TERB1: variants seen among roughly 807,000 people sequenced by gnomAD.
The protein encoded by TERB1 is telomere repeat binding bouquet formation protein 1.
TERB1 carries 63 observed loss-of-function variants against 92.3 expected under a neutral mutation model. That is an observed-to-expected ratio of 0.68 (90% CI 0.56 to 0.84). The LOEUF (loss-of-function observed/expected upper bound fraction) is 0.84. Ranked by LOEUF, TERB1 falls within the 40% of genes least tolerant of loss-of-function variation. The pLI is 0.00. For synonymous variants in TERB1, 252 were observed against 283.9 expected (o/e 0.89, Z 1.13); for missense variants, 709 against 843.7 (o/e 0.84, Z 1.98).
chr16:66,793,905 G>A (rs1321824544), intron 3 of TERB1, among the ~76,000 whole-genome samples: 1 of 152,004 alleles, frequency 6.6e-6, no homozygotes, highest in Non-Finnish European at 1.5e-5. Flanking sequence ...TAGTACAAAG[G>A]TTATCACTAA....
At chr16:66,776,260 C>A (rs568597175) in intron 11 of TERB1, among the ~76,000 whole-genome samples, 1 of 148,032 alleles carries the variant, frequency 6.8e-6, no homozygotes, top group Non-Finnish European at 1.5e-5. Flanking sequence ...ACCTGGGAGG[C>A]GGAGGTTGCA....
chr16:66,796,209 G>A (rs556065738), intron 3 of TERB1, among the ~76,000 whole-genome samples: 1 of 152,270 alleles, frequency 6.6e-6, no homozygotes, highest in East Asian at 1.9e-4. Context: ...AAAACGCAGT[G>A]GAAAATTCAG....
chr16:66,801,294 C>CACGTG (rs1241787083), intron 1 of TERB1, among the ~76,000 whole-genome samples, 174 bp downstream of exon 1: 1 of 152,222 alleles, frequency 6.6e-6, no homozygotes, highest in African/African-American at 2.4e-5. Context: ...AATGGTGCAT[C>CACGTG]ACGTGATGAC....
intron 10 of TERB1, among the ~76,000 whole-genome samples, chr16:66,778,319 A>C (rs569156971): frequency 2.6e-5 from 4 of 152,154 alleles, no homozygotes; most frequent in African/African-American, 7.2e-5. Flanking sequence ...AGCTGGTCTC[A>C]AACTCCTGGC....
rs1331606749 is a variant in TERB1, at chr16:66,754,909, T to C, written c.*67A>G. 3 of 1,360,094 alleles carry C rather than the reference T, an allele frequency of 2.2e-6. No individual in the cohort carries two copies. The highest frequency in any genetic ancestry group is 3.0e-6 in the Non-Finnish European group (3 of 997,440). The allele number at this position is 1,360,094 out of a possible 1,614,324, so 84.3% of individuals were successfully genotyped here. ...TTCTCATGAGAGTTTAGAAAAATAC[T>C]TTAAATGTATCTTTCAAGGCACTGT... On this transcript the variant is annotated 3_prime_UTR_variant, in exon 19 of 19. Transcript: ENST00000433154.
At position 66,768,048 on chromosome 16, in the gene TERB1, T is replaced by C. The variant is rs548523704; in HGVS notation, c.1684+56A>G. The stretch of plus-strand genomic sequence containing the variant: ...CAGTCAATGTGCATTTTTAGCTATA[T>C]TGGTTACCTAAATATCTGTTTTATT... On this transcript the variant is annotated intron_variant, in intron 15 of 18. Transcript: ENST00000433154. The C allele has an allele frequency of 9.3e-5, 126 of 1,353,968 alleles. No individual in the cohort carries two copies. In the African/African-American group the frequency reaches 1.4e-3, roughly 15 times the overall value. The allele number at this position is 1,353,968 out of a possible 1,614,324, so 83.9% of individuals were successfully genotyped here. A position where few individuals can be genotyped will look rare whatever the true frequency, so the allele number is the denominator to read the frequency against.
chr16:66,775,336 CAAAATTTTA>C (rs1486617351), intron 11 of TERB1, 93 bp from the exon 12 acceptor site: 2 of 1,235,988 alleles, frequency 1.6e-6, no homozygotes, highest in Non-Finnish European at 2.2e-6. Context: ...GAACATAGTT[CAAAATTTTA>C]AAAATAGGCC....
chr16:66,766,195 A>G (rs1300026999), intron 16 of TERB1, among the ~76,000 whole-genome samples: 1 of 152,114 alleles, frequency 6.6e-6, no homozygotes, highest in Non-Finnish European at 1.5e-5. Flanking sequence ...GATGAGGAAA[A>G]ATGAGCATAG....
intron 16 of TERB1, among the ~76,000 whole-genome samples, chr16:66,762,509 T>C (rs2018269149): frequency 6.6e-6 from 1 of 150,656 alleles, no homozygotes; most frequent in African/African-American, 2.4e-5. Context: ...CTCAGTCTCC[T>C]AAGTAGCTAC....
chr16:66,776,666 T>G (rs939840516), intron 11 of TERB1, among the ~76,000 whole-genome samples: 2 of 150,100 alleles, frequency 1.3e-5, no homozygotes, highest in Non-Finnish European at 3.0e-5. Context: ...AGAGAATTGG[T>G]AAGAAGGAGT....
chr16:66,785,474 T>C (rs2018712560), intron 9 of TERB1, among the ~76,000 whole-genome samples: 1 of 152,204 alleles, frequency 6.6e-6, no homozygotes, highest in Non-Finnish European at 1.5e-5. Context: ...AGATGTTTTG[T>C]TTTTATTCAT....
chr16:66,794,832 C>T (rs1833729979), intron 3 of TERB1, among the ~76,000 whole-genome samples: 1 of 151,646 alleles, frequency 6.6e-6, no homozygotes, highest in Non-Finnish European at 1.5e-5. Context: ...ATGGCGTGAA[C>T]CTGGGAGGCC....
intron 18 of TERB1, chr16:66,758,298 T>A (rs1440828546): frequency 6.4e-6 from 1 of 155,642 alleles, no homozygotes; most frequent in South Asian, 2.0e-4. Context: ...GCAAGCAACA[T>A]GAAGGGAAGA....
Position 66,755,154 on chromosome 16 carries a change from C to A in TERB1, c.2006G>T (p.Arg669Ile). Residue 669 changes from arginine (R) to isoleucine (I), a missense_variant, in exon 19 of 19, where the codon AGA (arginine) becomes ATA (isoleucine). Arg to Ile is a moderately conservative substitution (Grantham distance 97, BLOSUM62 -3). Coordinates refer to ENST00000433154, the MANE Select transcript of TERB1 (RefSeq NM_001136505.2). The stretch of plus-strand genomic sequence containing the variant: ...TTCTTCAGTAAAGTTTTTGCGAATT[C>A]TTCTTTTTTCTATAATTAGAATTGT... ...STTPGGIKKR[R>I]IRKNFTEEEV... 6.6e-7 allele frequency: 1 copy of A among 1,511,354 alleles called. No individual in the cohort carries two copies. Among genetic ancestry groups the A allele is most frequent in the South Asian group, 1.2e-5 (1 of 82,970 alleles). The allele number at this position is 1,511,354 out of a possible 1,614,324, so 93.6% of individuals were successfully genotyped here.
chr16:66,788,033 C>T, intron 6 of TERB1, 136 bp downstream of exon 6: 4 of 602,148 alleles, frequency 6.6e-6, no homozygotes, highest in Non-Finnish European at 1.0e-5. Flanking sequence ...TGCACTCCAC[C>T]TTGGGTGTCA....
intron 11 of TERB1, among the ~76,000 whole-genome samples, chr16:66,776,763 G>A (rs1238881394): frequency 6.6e-6 from 1 of 152,052 alleles, no homozygotes; most frequent in Non-Finnish European, 1.5e-5. Context: ...AGAGGAGACA[G>A]TAATAGGTAG....
intron 17 of TERB1, 48 bp downstream of exon 17, chr16:66,759,093 C>G: frequency 7.1e-7 from 1 of 1,400,710 alleles, no homozygotes; most frequent in Non-Finnish European, 9.6e-7. Context: ...GATAATAGTT[C>G]AGAAGGTATA....
chr16:66,776,139 G>A (rs1666433635), intron 11 of TERB1, among the ~76,000 whole-genome samples: 1 of 151,928 alleles, frequency 6.6e-6, no homozygotes, highest in Admixed American at 6.5e-5. Context: ...AGACCAGCCT[G>A]ACCAACAAGG....
chr16:66,800,817 T>C (rs2145285033), intron 2 of TERB1, among the ~76,000 whole-genome samples, 160 bp downstream of exon 2: 1 of 152,178 alleles, frequency 6.6e-6, no homozygotes, highest in South Asian at 2.1e-4. Context: ...GTACCAGAAG[T>C]CAGCTGGCTC....
Sources: allele counts gnomAD v4.1 joint callset (sites outside exome capture counted in the v4.1 genomes callset), GRCh38; gene constraint gnomAD v4.1.1; transcripts MANE v1.5; gene names NCBI Gene and HGNC (gene_info 2026-07-23, HGNC 2026-07-21).